The following SORCS1 variants were observed in gnomAD, a reference collection of about 807,000 sequenced individuals.
SORCS1 encodes the protein VPS10 domain-containing receptor SorCS1.
SORCS1 carries 60 observed loss-of-function variants against 146.1 expected under a neutral mutation model. The ratio of observed to expected loss-of-function variants is 0.41; its 90% CI spans 0.33 to 0.51. The LOEUF is 0.51. Among genes scored for constraint, SORCS1 ranks in the 20% least tolerant of loss-of-function variants. The pLI, the probability that SORCS1 is intolerant of heterozygous loss-of-function variation, is 0.21. For synonymous variants in SORCS1, 637 were observed against 584.0 expected (o/e 1.09, Z -1.31); for missense variants, 1,352 against 1,487.6 (o/e 0.91, Z 1.50).
At chr10:107,083,264 T>C (rs1053473525) in intron 1 of SORCS1, among the ~76,000 whole-genome samples, 2 of 152,176 alleles carry the variant, frequency 1.3e-5, no homozygotes, top group Non-Finnish European at 2.9e-5. Flanking sequence ...GGAACTGTGG[T>C]AAGCAGATTT....
chr10:106,955,215 AC>A lies in SORCS1; in HGVS notation c.626+1297del, dbSNP rs1422045430. 3.9e-5 allele frequency among the ~76,000 whole-genome samples: 6 copies of A among 152,056 alleles called. No homozygotes were observed. In the South Asian group the frequency reaches 6.2e-4, roughly 16 times the overall value. ...AGCCAGGGCTGTGTTATGCTGTAAC[AC>A]CCCCTTTGCAGTTCCATGATTGCTG... On this transcript the variant is annotated intron_variant, in intron 2 of 25. Coordinates refer to ENST00000263054, the MANE Select transcript of SORCS1 (RefSeq NM_052918.5).
intron 1 of SORCS1, among the ~76,000 whole-genome samples, chr10:107,117,099 G>T (rs1966088363): frequency 6.6e-6 from 1 of 152,132 alleles, no homozygotes; most frequent in Admixed American, 6.5e-5. Context: ...AGAACTTGAA[G>T]ATTTGAAAAA....
intron 18 of SORCS1, among the ~76,000 whole-genome samples, chr10:106,648,951 C>T (rs775075916): frequency 6.6e-6 from 1 of 152,060 alleles, no homozygotes; most frequent in Non-Finnish European, 1.5e-5. Flanking sequence ...CACCAGCATG[C>T]CAGCAGGCCA....
chr10:107,008,438 C>A (rs1241852804), intron 1 of SORCS1, among the ~76,000 whole-genome samples: 1 of 152,094 alleles, frequency 6.6e-6, no homozygotes, highest in Admixed American at 6.6e-5. Context: ...AATTCAAATA[C>A]CTTGATTAAA....
intron 19 of SORCS1, among the ~76,000 whole-genome samples, chr10:106,625,080 A>G (rs1037464826): frequency 1.4e-4 from 22 of 152,174 alleles, no homozygotes; most frequent in African/African-American, 4.8e-4. Flanking sequence ...ATCTTCCTGG[A>G]AAGGTGGTTG....
intron 6 of SORCS1, among the ~76,000 whole-genome samples, chr10:106,713,247 C>T (rs919452559): frequency 6.6e-6 from 1 of 152,174 alleles, no homozygotes; most frequent in Non-Finnish European, 1.5e-5. Flanking sequence ...GCTGCCCCAA[C>T]CTCTGTGCTT....
intron 3 of SORCS1, among the ~76,000 whole-genome samples, chr10:106,805,023 C>G (rs1009041681): frequency 3.9e-5 from 6 of 151,964 alleles, no homozygotes; most frequent in African/African-American, 1.2e-4. Context: ...CCATTTGTAT[C>G]AACCTCAGAA....
At chr10:106,663,552 G>C (rs1484989071) in intron 17 of SORCS1, among the ~76,000 whole-genome samples, 1 of 152,198 alleles carries the variant, frequency 6.6e-6, no homozygotes, top group Non-Finnish European at 1.5e-5. Context: ...GTGGCTACAA[G>C]ATTATATACT....
intron 1 of SORCS1, among the ~76,000 whole-genome samples, chr10:107,092,218 AAG>A (rs1565030740): frequency 6.6e-6 from 1 of 152,222 alleles, no homozygotes; most frequent in Non-Finnish European, 1.5e-5. Context: ...GAGCTTAGGA[AAG>A]AGAGAGACTC....
At chr10:107,111,717 C>T (rs1965714109) in intron 1 of SORCS1, among the ~76,000 whole-genome samples, 1 of 152,038 alleles carries the variant, frequency 6.6e-6, no homozygotes, top group Non-Finnish European at 1.5e-5. Context: ...TATTCAGATT[C>T]ATGAAATTTA....
intron 24 of SORCS1, among the ~76,000 whole-genome samples, chr10:106,596,642 C>G (rs1376720770): frequency 1.3e-5 from 2 of 152,088 alleles, no homozygotes; most frequent in Non-Finnish European, 2.9e-5. Flanking sequence ...GGCCCTGTAC[C>G]ACTCCTAAGT....
At chr10:106,606,415 C>T (rs1564768966) in intron 23 of SORCS1, among the ~76,000 whole-genome samples, 1 of 152,048 alleles carries the variant, frequency 6.6e-6, no homozygotes, top group Non-Finnish European at 1.5e-5. Flanking sequence ...ATTACAAACA[C>T]AAATTAGATC....
chr10:106,801,661 C>T (rs1946891758), intron 3 of SORCS1, among the ~76,000 whole-genome samples: 1 of 151,686 alleles, frequency 6.6e-6, no homozygotes, highest in Non-Finnish European at 1.5e-5. Context: ...TCCCGAGTAG[C>T]TGGGACTACA....
At chr10:106,855,466 T>C (rs753584144) in intron 2 of SORCS1, among the ~76,000 whole-genome samples, 3 of 152,182 alleles carry the variant, frequency 2.0e-5, no homozygotes, top group Non-Finnish European at 4.4e-5. Context: ...TTATCATTGC[T>C]TCATACATTG....
At chr10:106,636,680 C>T (rs373162064) in intron 18 of SORCS1, among the ~76,000 whole-genome samples, 8 of 152,150 alleles carry the variant, frequency 5.3e-5, no homozygotes, top group African/African-American at 1.4e-4. Context: ...GTCCTTCCCT[C>T]GACACTGGGG....
chr10:107,147,398 A>G (rs1968418332), intron 1 of SORCS1, among the ~76,000 whole-genome samples: 3 of 152,110 alleles, frequency 2.0e-5, no homozygotes, highest in Admixed American at 2.0e-4. Context: ...TATCCACTGG[A>G]GCAGCATGCT....
Position 106,771,710 on chromosome 10 carries a change from G to C in SORCS1, c.885+4824C>G, listed in dbSNP as rs773499763. 3.2e-4 allele frequency among the ~76,000 whole-genome samples: 48 copies of C among 152,186 alleles called. 1 individual carries two copies. The highest frequency in any genetic ancestry group is 5.9e-4 in the Non-Finnish European group (40 of 68,028). ...TGAGGGGTGGGATTGTAGACACCAA[G>C]TAGCCCCCTGTCCATTTGAAACAGA... On this transcript the variant is annotated intron_variant, in intron 4 of 25. Coordinates refer to ENST00000263054, the MANE Select transcript of SORCS1 (RefSeq NM_052918.5).
rs772421907 is a variant in SORCS1 at position 106,889,888 on chromosome 10, T to TAAAAAAAAA, written c.627-60224_627-60216dup. Among the ~76,000 whole-genome samples the TAAAAAAAAA allele has an allele frequency of 1.9e-3, 136 of 71,660 alleles. 16 individuals are homozygous for TAAAAAAAAA. The highest frequency in any genetic ancestry group is 6.5e-3 in the African/African-American group (127 of 19,412). 47.0% of individuals were successfully genotyped at this position (71,660 alleles called of 152,430 possible). ...TGACAGAGTGAGACTACGTCTCAAA[T>TAAAAAAAAA]AAAAAAAAAAAAAAAAAAAAAAAGC... On this transcript the variant is annotated intron_variant, in intron 2 of 25. Transcript: ENST00000263054.
At chr10:106,930,469 A>G (rs1352932780) in intron 2 of SORCS1, among the ~76,000 whole-genome samples, 1 of 152,188 alleles carries the variant, frequency 6.6e-6, no homozygotes, top group Admixed American at 6.5e-5. Context: ...CAGAACCCTC[A>G]GCTCTCCTTG....
Sources: allele counts gnomAD v4.1 joint callset (sites outside exome capture counted in the v4.1 genomes callset), GRCh38; gene constraint gnomAD v4.1.1; transcripts MANE v1.5; gene names NCBI Gene and HGNC (gene_info 2026-07-23, HGNC 2026-07-21).